The following RARB variants were observed in gnomAD, a reference collection of about 807,000 sequenced individuals.
RARB encodes the protein retinoic acid receptor beta, also known as HBV-activated protein.
In RARB, 17 loss-of-function variants were observed where a neutral mutation model predicts 51.9. The observed-to-expected ratio is 0.33, with a 90% CI of 0.22 to 0.49. The LOEUF is 0.49. Among genes scored for constraint, RARB ranks in the 20% least tolerant of loss-of-function variants. The pLI is 0.99. For missense variants in RARB, 369 were observed against 550.8 expected (o/e 0.67, Z 3.30); for synonymous variants, 215 against 195.4 (o/e 1.10, Z -0.84).
At chr3:24,993,047 T>C (rs954820422) in intron 2 of RARB, among the ~76,000 whole-genome samples, 1 of 152,182 alleles carries the variant, frequency 6.6e-6, no homozygotes, top group Non-Finnish European at 1.5e-5. Context: ...ATATTAGAAA[T>C]CTATATACAA....
At chr3:24,917,098 A>C (rs1050107002) in intron 2 of RARB, among the ~76,000 whole-genome samples, 1 of 152,192 alleles carries the variant, frequency 6.6e-6, no homozygotes, top group African/African-American at 2.4e-5. Flanking sequence ...TTTGTTTTTT[A>C]AAAAAATTTT....
upstream of RARB, among the ~76,000 whole-genome samples, chr3:25,426,265 C>T (rs571056870): frequency 2.6e-4 from 39 of 152,244 alleles, no homozygotes; most frequent in Non-Finnish European, 5.4e-4. Flanking sequence ...TACAATAAGT[C>T]TCTGTTACAA....
chr3:25,196,298 C>A (rs1701234225), intron 5 of RARB, among the ~76,000 whole-genome samples: 1 of 152,036 alleles, frequency 6.6e-6, no homozygotes, highest in South Asian at 2.1e-4. Context: ...TCAGTTCCCA[C>A]CTATGAGTGA....
intron 5 of RARB, among the ~76,000 whole-genome samples, chr3:25,242,650 C>T (rs1019249594): frequency 2.0e-5 from 3 of 152,066 alleles, no homozygotes; most frequent in African/African-American, 7.2e-5. Context: ...GGGCTCTGTT[C>T]TGTTCCATTG....
intron 2 of RARB, among the ~76,000 whole-genome samples, chr3:24,993,551 T>C (rs1696958100): frequency 6.6e-6 from 1 of 152,176 alleles, no homozygotes; most frequent in Non-Finnish European, 1.5e-5. Context: ...CTTCTGGCTA[T>C]TTGAAATTAA....
At chr3:25,127,625 G>A (rs1250827765) in intron 3 of RARB, among the ~76,000 whole-genome samples, 3 of 152,036 alleles carry the variant, frequency 2.0e-5, no homozygotes, top group Non-Finnish European at 2.9e-5. Flanking sequence ...TAGTAAAGGG[G>A]AGGAGAGTGA....
intron 2 of RARB, among the ~76,000 whole-genome samples, chr3:24,893,083 AT>A (rs1460311403): frequency 6.6e-6 from 1 of 152,210 alleles, no homozygotes; most frequent in Non-Finnish European, 1.5e-5. Context: ...TCCCTTTGAT[AT>A]TTTGCCCAAA....
rs7644919 is a variant in RARB, at chr3:24,937,387, C to A, written c.-380+78635C>A. On this transcript the variant is annotated intron_variant, in intron 2 of 11. Coordinates refer to the RARB transcript ENST00000383772. ...TGAAGAGTCTACCCTGGTGCCAGAA[C>A]CTGCCTTGACTCCAAAGATAAGTTG... Among the ~76,000 whole-genome samples the A allele has an allele frequency of 9.8e-4, 149 of 152,230 alleles. 1 individual carries two copies. Among genetic ancestry groups the A allele is most frequent in the African/African-American group, 3.4e-3 (141 of 41,530 alleles).
intron 2 of RARB, among the ~76,000 whole-genome samples, chr3:25,044,935 T>C (rs1559445795): frequency 6.6e-6 from 1 of 152,168 alleles, no homozygotes. Flanking sequence ...TATCTGACAG[T>C]TTATAGTTTG....
At chr3:25,531,428 TAGATAGATAC>T (rs1698916081) in intron 3 of RARB, among the ~76,000 whole-genome samples, 1 of 144,690 alleles carries the variant, frequency 6.9e-6, no homozygotes, top group Non-Finnish European at 1.5e-5. Flanking sequence ...AGATAGAAGA[TAGATAGATAC>T]AGATAGATTT....
rs78175372 is a variant in RARB at position 25,178,327 on chromosome 3, T to A, written c.178+3752T>A. ...AAAAGGGGGAGTTAAAATATGTAAT[T>A]AGAAAAACTACCATGCATTGAGCAC... is the stretch of plus-strand genomic sequence containing the variant. On this transcript the variant is annotated intron_variant, in intron 5 of 11. Transcript: ENST00000383772. 2.3e-3 allele frequency among the ~76,000 whole-genome samples: 349 copies of A among 152,160 alleles called. 2 individuals are homozygous for A. Among genetic ancestry groups the A allele is most frequent in the East Asian group, 0.02 (105 of 5,162 alleles).
At chr3:25,277,925 G>T (rs565100367) in intron 5 of RARB, among the ~76,000 whole-genome samples, 1 of 152,248 alleles carries the variant, frequency 6.6e-6, no homozygotes, top group Admixed American at 6.5e-5. Context: ...CTTCTGACAG[G>T]CTGCTTTTCT....
intron 5 of RARB, among the ~76,000 whole-genome samples, chr3:25,411,187 T>C (rs1575381095): frequency 1.3e-5 from 2 of 152,208 alleles, no homozygotes; most frequent in South Asian, 4.1e-4. Flanking sequence ...AGTTTATGTT[T>C]TAACATGTAA....
intron 5 of RARB, among the ~76,000 whole-genome samples, chr3:25,206,022 C>G (rs182218673): frequency 2.6e-5 from 4 of 152,168 alleles, no homozygotes; most frequent in Admixed American, 2.0e-4. Context: ...CTAGGCTAAG[C>G]TATGATGCTT....
chr3:25,177,180 A>G (rs571595969), intron 5 of RARB, among the ~76,000 whole-genome samples: 3 of 152,356 alleles, frequency 2.0e-5, no homozygotes, highest in Non-Finnish European at 4.4e-5. Context: ...AGAAGCCACA[A>G]TGAATATGAC....
chr3:25,045,458 A>C (rs561150607), intron 2 of RARB, among the ~76,000 whole-genome samples: 2 of 152,116 alleles, frequency 1.3e-5, no homozygotes, highest in African/African-American at 4.8e-5. Context: ...TCCCTTCCTG[A>C]CATTCAAAGC....
intron 2 of RARB, among the ~76,000 whole-genome samples, chr3:24,936,981 T>C (rs1275297042): frequency 6.6e-6 from 1 of 152,198 alleles, no homozygotes; most frequent in Non-Finnish European, 1.5e-5. Flanking sequence ...GGATAAGTCT[T>C]CAGTGCCAGT....
rs368990774 is a variant in RARB, at chr3:25,345,660, G to A, written c.179-115533G>A. Among the ~76,000 whole-genome samples the A allele has an allele frequency of 7.4e-3, 790 of 106,410 alleles. 5 individuals are homozygous for A. Among genetic ancestry groups the A allele is most frequent in the African/African-American group, 0.028 (735 of 26,144 alleles). The allele number at this position is 106,410 out of a possible 152,430, so 69.8% of individuals were successfully genotyped here. On this transcript the variant is annotated intron_variant, in intron 5 of 11. Coordinates refer to the RARB transcript ENST00000383772. ...AGCCTGGGTGACAGAGTGAGACTCC[G>A]TCTCAAAAAAAAAAAAAAAAAAAAA...
chr3:25,033,666 T>G (rs1697922057), intron 2 of RARB, among the ~76,000 whole-genome samples: 1 of 152,108 alleles, frequency 6.6e-6, no homozygotes, highest in Admixed American at 6.6e-5. Context: ...AACATGAAGA[T>G]TTCAGAGAGC....
Sources: gnomAD v4.1 joint callset for allele counts (sites outside exome capture counted in the v4.1 genomes callset) on GRCh38, gnomAD v4.1.1 for gene constraint, MANE v1.5 for transcripts, NCBI Gene and HGNC (gene_info 2026-07-23, HGNC 2026-07-21) for gene names.